Variants in CTNNA2 observed in about 807,000 individuals in gnomAD.
The protein encoded by CTNNA2 is catenin alpha 2, also known as catenin alpha-2.
CTNNA2 carries 42 observed loss-of-function variants against 101.0 expected under a neutral mutation model. The ratio of observed to expected loss-of-function variants is 0.42; its 90% CI spans 0.32 to 0.54. The LOEUF is 0.54. Ranked by LOEUF, CTNNA2 falls within the 20% of genes least tolerant of loss-of-function variation. The probability of loss-of-function intolerance (pLI) is 0.14; values close to 1 mark genes in which losing one functional copy is unlikely to be tolerated. For synonymous variants in CTNNA2, 450 were observed against 456.4 expected, an observed-to-expected ratio of 0.99 and a Z score of 0.18; for missense variants, 871 against 1,223.1, an observed-to-expected ratio of 0.71 and a Z score of 4.29.
chr2:79,459,540 C>A (rs1670856603), intron 4 of CTNNA2, among the ~76,000 whole-genome samples: 1 of 151,994 alleles, frequency 6.6e-6, no homozygotes, highest in South Asian at 2.1e-4. Context: ...TTTAGAATTA[C>A]TCAGTTTTAC....
At chr2:79,491,106 T>C (rs963418015) in intron 4 of CTNNA2, among the ~76,000 whole-genome samples, 1 of 152,194 alleles carries the variant, frequency 6.6e-6, no homozygotes, top group African/African-American at 2.4e-5. Flanking sequence ...GGTTCACTAG[T>C]TGATCTTTCA....
At chr2:80,392,632 T>C (rs1184072948) in intron 7 of CTNNA2, among the ~76,000 whole-genome samples, 4 of 152,140 alleles carry the variant, frequency 2.6e-5, no homozygotes, top group African/African-American at 7.2e-5. Flanking sequence ...CCTCATGACC[T>C]CAAGCTGTGG....
chr2:80,293,352 T>G (rs1421766573), intron 7 of CTNNA2, among the ~76,000 whole-genome samples: 1 of 152,212 alleles, frequency 6.6e-6, no homozygotes, highest in Non-Finnish European at 1.5e-5. Flanking sequence ...CTGCTACACA[T>G]AGTTTGCAAT....
At chr2:80,013,684 T>G (rs1352213911) in intron 7 of CTNNA2, among the ~76,000 whole-genome samples, 1 of 152,170 alleles carries the variant, frequency 6.6e-6, no homozygotes, top group Non-Finnish European at 1.5e-5. Flanking sequence ...CCAGGAAAAA[T>G]CAGTCTCTCC....
chr2:79,584,511 GT>G lies in CTNNA2; in HGVS notation c.-5-67040del, dbSNP rs565783519. On this transcript the variant is annotated intron_variant, in intron 1 of 18. Coordinates refer to ENST00000402739, the MANE Select transcript of CTNNA2 (RefSeq NM_001282597.3). ...ATAAAAAATAAAAATGTAGAAGCAG[GT>G]AGATTTTCTTTTTTTTTTTTTTTCT... is the stretch of plus-strand genomic sequence containing the variant. Among the ~76,000 whole-genome samples the G allele has an allele frequency of 2.1e-4, 31 of 151,142 alleles. No homozygotes were observed. In the South Asian group the frequency reaches 3.8e-3, roughly 18 times the overall value.
rs79438321 is a variant in CTNNA2, at chr2:79,673,742, G to A, written c.102+22084G>A. On this transcript the variant is annotated intron_variant, in intron 2 of 18. Coordinates refer to ENST00000402739, the MANE Select transcript of CTNNA2 (RefSeq NM_001282597.3). ...TGTGTGGTTCTAGCATTTCTTTTGA[G>A]TGTTTGATTACTTCTATGATCCTTT... Among the ~76,000 whole-genome samples the A allele has an allele frequency of 3.5e-3, 533 of 152,216 alleles. 3 individuals carry two copies. The highest frequency in any genetic ancestry group is 0.013 in the African/African-American group (520 of 41,534).
chr2:80,244,570 C>A (rs1258620170), intron 7 of CTNNA2, among the ~76,000 whole-genome samples: 1 of 152,202 alleles, frequency 6.6e-6, no homozygotes, highest in African/African-American at 2.4e-5. Flanking sequence ...TCAAACAGAA[C>A]AAGTCCACAG....
intron 7 of CTNNA2, among the ~76,000 whole-genome samples, chr2:79,931,149 C>T (rs1031328555): frequency 7.9e-5 from 12 of 152,106 alleles, no homozygotes; most frequent in African/African-American, 2.9e-4. Context: ...GCATTAATAT[C>T]CTGCACAATG....
intron 4 of CTNNA2, among the ~76,000 whole-genome samples, chr2:79,494,153 G>C (rs1262342062): frequency 2.0e-5 from 3 of 151,992 alleles, no homozygotes; most frequent in Admixed American, 1.3e-4. Flanking sequence ...GCTACAATAC[G>C]TTATTGAAAT....
chr2:79,825,490 G>A (rs1465022365), intron 3 of CTNNA2, among the ~76,000 whole-genome samples: 1 of 151,984 alleles, frequency 6.6e-6, no homozygotes, highest in Non-Finnish European at 1.5e-5. Context: ...AGATGAATTC[G>A]AATTATCTGG....
chr2:79,275,789 T>A (rs1427098157), intron 2 of CTNNA2, among the ~76,000 whole-genome samples: 2 of 152,038 alleles, frequency 1.3e-5, no homozygotes, highest in African/African-American at 4.8e-5. Context: ...CATTGGGCAT[T>A]GTGTTAGTCC....
At chr2:79,266,408 G>A (rs889697550) in intron 2 of CTNNA2, among the ~76,000 whole-genome samples, 15 of 152,134 alleles carry the variant, frequency 9.9e-5, no homozygotes, top group African/African-American at 3.6e-4. Flanking sequence ...AATGTGTCTG[G>A]TTACAAATTC....
At chr2:79,645,464 T>C (rs992469925) in intron 1 of CTNNA2, among the ~76,000 whole-genome samples, 1 of 152,034 alleles carries the variant, frequency 6.6e-6, no homozygotes, top group African/African-American at 2.4e-5. Flanking sequence ...CTACCCTAAA[T>C]AGGGGAGAAA....
intron 3 of CTNNA2, among the ~76,000 whole-genome samples, chr2:79,810,080 C>T (rs931770386): frequency 2.6e-5 from 4 of 152,142 alleles, no homozygotes; most frequent in African/African-American, 9.7e-5. Context: ...ACAATATTAA[C>T]CTTAAATGTA....
chr2:79,572,696 G>C (rs1675532883), intron 1 of CTNNA2, among the ~76,000 whole-genome samples: 1 of 152,172 alleles, frequency 6.6e-6, no homozygotes, highest in African/African-American at 2.4e-5. Flanking sequence ...AGGTTGCAGT[G>C]AACCAAGATC....
chr2:79,839,843 TTA>T (rs1415879689), intron 3 of CTNNA2, among the ~76,000 whole-genome samples: 1 of 152,154 alleles, frequency 6.6e-6, no homozygotes, highest in Non-Finnish European at 1.5e-5. Context: ...TATCCTATAC[TTA>T]TATTATCTGA....
At chr2:79,520,580 C>G (rs547688539) in intron 1 of CTNNA2, among the ~76,000 whole-genome samples, 1 of 152,194 alleles carries the variant, frequency 6.6e-6, no homozygotes, top group Non-Finnish European at 1.5e-5. Flanking sequence ...ACATGTCTCT[C>G]TCTGTATGTT....
At chr2:80,513,696 C>T (rs1005985803) in intron 9 of CTNNA2, among the ~76,000 whole-genome samples, 3 of 152,158 alleles carry the variant, frequency 2.0e-5, no homozygotes, top group African/African-American at 4.8e-5. Context: ...AGGAGTAACA[C>T]GCATAATTTA....
chr2:80,471,856 G>C (rs1685332041), intron 9 of CTNNA2, among the ~76,000 whole-genome samples: 2 of 152,306 alleles, frequency 1.3e-5, no homozygotes, highest in African/African-American at 4.8e-5. Flanking sequence ...GCCGGGCGTA[G>C]TGGCCCATGC....
Sources: gnomAD v4.1 joint callset for allele counts (sites outside exome capture counted in the v4.1 genomes callset) on GRCh38, gnomAD v4.1.1 for gene constraint, MANE v1.5 for transcripts, NCBI Gene and HGNC (gene_info 2026-07-23, HGNC 2026-07-21) for gene names.